Variants in CELF4 observed in about 807,000 individuals in gnomAD.
The protein encoded by CELF4 is CUGBP Elav-like family member 4.
Under a neutral mutation model 59.9 loss-of-function variants are expected in CELF4, and 18 were observed. The ratio of observed to expected loss-of-function variants is 0.30; its 90% CI spans 0.21 to 0.45. The LOEUF (loss-of-function observed/expected upper bound fraction) is 0.45. Among genes scored for constraint, CELF4 ranks in the 20% least tolerant of loss-of-function variants. The probability of loss-of-function intolerance (pLI) is 1.00; values close to 1 mark genes in which losing one functional copy is unlikely to be tolerated. For missense variants in CELF4, 456 were observed against 689.0 expected, an observed-to-expected ratio of 0.66 and a Z score of 3.79; for synonymous variants, 261 against 267.1, an observed-to-expected ratio of 0.98 and a Z score of 0.22.
chr18:37,274,378 G>A lies in CELF4; in HGVS notation c.734C>T (p.Ala245Val). Residue 245 changes from alanine to valine, a missense_variant, in exon 6 of 13, where the codon GCT (alanine) becomes GTT (valine). Transcript: ENST00000420428. ...ERTMRRMQQMAGQMGMFNPMA... is the reference protein window; with the variant it reads ...ERTMRRMQQMVGQMGMFNPMA... ...GGGGTTGAACATGCCCATCTGGCCA[G>A]CCATCTGCTGCATTCGCCGCATCGT... 1.9e-6 allele frequency: 3 copies of A among 1,613,590 alleles called. No individual in the cohort carries two copies. The highest frequency in any genetic ancestry group is 2.5e-6 in the Non-Finnish European group (3 of 1,179,970).
At chr18:37,465,843 G>T (rs1265626589) in intron 2 of CELF4, among the ~76,000 whole-genome samples, 1 of 152,122 alleles carries the variant, frequency 6.6e-6, no homozygotes, top group Non-Finnish European at 1.5e-5. Flanking sequence ...TTGGGGCAGG[G>T]GATGCATTCA....
chr18:37,563,868 A>T (rs1440083499), intron 1 of CELF4, among the ~76,000 whole-genome samples: 1 of 152,210 alleles, frequency 6.6e-6, no homozygotes, highest in Non-Finnish European at 1.5e-5. Context: ...TGGGACTCCA[A>T]CTATGAAGAG....
chr18:37,275,567 C>A (rs1401284192), intron 3 of CELF4: 22 of 351,216 alleles, frequency 6.3e-5, no homozygotes, highest in Non-Finnish European at 5.4e-6. Flanking sequence ...GAGCAGAGAC[C>A]CTGGGCTGAC....
At chr18:37,529,655 C>A (rs1354619128) in intron 1 of CELF4, among the ~76,000 whole-genome samples, 1 of 152,162 alleles carries the variant, frequency 6.6e-6, no homozygotes, top group African/African-American at 2.4e-5. Flanking sequence ...AAGCAACTGG[C>A]AGACTTCTAG....
chr18:37,302,847 T>C (rs2096151950), intron 3 of CELF4, among the ~76,000 whole-genome samples: 1 of 152,118 alleles, frequency 6.6e-6, no homozygotes, highest in African/African-American at 2.4e-5. Context: ...TCCAACAGCA[T>C]TGCTTCCTAG....
intron 12 of CELF4, among the ~76,000 whole-genome samples, chr18:37,248,252 T>C (rs1338989201): frequency 6.6e-6 from 1 of 152,202 alleles, no homozygotes; most frequent in Admixed American, 6.5e-5. Context: ...GTTCTTGGAA[T>C]TCTAGAAACA....
chr18:37,535,833 C>A (rs1363705202), intron 1 of CELF4, among the ~76,000 whole-genome samples: 1 of 152,144 alleles, frequency 6.6e-6, no homozygotes, highest in Non-Finnish European at 1.5e-5. Context: ...AGAGAGAACA[C>A]GATTCACTTC....
chr18:37,322,931 C>G (rs1247674701), intron 2 of CELF4, among the ~76,000 whole-genome samples: 1 of 152,182 alleles, frequency 6.6e-6, no homozygotes, highest in Non-Finnish European at 1.5e-5. Context: ...CCAAGGCCAC[C>G]ACGTGGCAGG....
At chr18:37,556,664 C>T (rs2099984910) in intron 1 of CELF4, among the ~76,000 whole-genome samples, 1 of 152,102 alleles carries the variant, frequency 6.6e-6, no homozygotes, top group East Asian at 1.9e-4. Flanking sequence ...GTGATCCCAT[C>T]CTGTTTGAAC....
At chr18:37,264,787 G>A (rs534556313) in intron 9 of CELF4, 30 bp from the exon 10 acceptor site, 41 of 1,520,376 alleles carry the variant, frequency 2.7e-5, no homozygotes, top group Admixed American at 5.8e-5. Flanking sequence ...AGCAAGAGCC[G>A]GCGACAAGGC....
At chr18:37,329,706 T>C (rs1266274716) in intron 2 of CELF4, among the ~76,000 whole-genome samples, 1 of 152,216 alleles carries the variant, frequency 6.6e-6, no homozygotes, top group Non-Finnish European at 1.5e-5. Context: ...GGCTGAACTA[T>C]GCATGAGCAG....
At chr18:37,463,447 C>A (rs578214055) in intron 2 of CELF4, among the ~76,000 whole-genome samples, 433 of 152,326 alleles carry the variant, frequency 2.8e-3, no homozygotes, top group Non-Finnish European at 3.7e-3. Flanking sequence ...TACCAAACCC[C>A]GTGATCAACT....
chr18:37,356,009 A>ACAGCCCAGCC (rs930869240), intron 2 of CELF4, among the ~76,000 whole-genome samples: 2 of 152,154 alleles, frequency 1.3e-5, no homozygotes, highest in South Asian at 2.1e-4. Flanking sequence ...TCAGCCCAGC[A>ACAGCCCAGCC]CAGCCCAGCC....
intron 1 of CELF4, among the ~76,000 whole-genome samples, chr18:37,496,461 C>T (rs2154603704): frequency 6.6e-6 from 1 of 152,298 alleles, no homozygotes; most frequent in South Asian, 2.1e-4. Context: ...AATAATCTCG[C>T]CTCTGTCCTC....
chr18:37,447,670 T>A (rs1188810782), intron 2 of CELF4, among the ~76,000 whole-genome samples: 2 of 152,216 alleles, frequency 1.3e-5, no homozygotes, highest in East Asian at 3.9e-4. Context: ...ACATGGGCCC[T>A]GGGTTGAGGG....
At chr18:37,345,558 T>C (rs1286956057) in intron 2 of CELF4, among the ~76,000 whole-genome samples, 1 of 151,984 alleles carries the variant, frequency 6.6e-6, no homozygotes, top group Non-Finnish European at 1.5e-5. Flanking sequence ...TAAAATGAAC[T>C]GAGTGCTTTG....
intron 2 of CELF4, among the ~76,000 whole-genome samples, chr18:37,410,388 C>T (rs1368263142): frequency 6.6e-6 from 1 of 152,242 alleles, no homozygotes; most frequent in Non-Finnish European, 1.5e-5. Context: ...GGCCTCCACT[C>T]CTGGGCACAT....
chr18:37,346,356 C>A (rs1033031442), intron 2 of CELF4, among the ~76,000 whole-genome samples: 45 of 152,284 alleles, frequency 3.0e-4, no homozygotes, highest in African/African-American at 1.0e-3. Context: ...GAAAAAAGAG[C>A]TCTAGGCTCC....
chr18:37,268,525 T>C (rs928098475), intron 8 of CELF4, among the ~76,000 whole-genome samples: 1 of 152,250 alleles, frequency 6.6e-6, no homozygotes, highest in South Asian at 2.1e-4. Flanking sequence ...ACGATTTGCA[T>C]GGCAGCTGCC....
Sources: allele counts gnomAD v4.1 joint callset (sites outside exome capture counted in the v4.1 genomes callset), GRCh38; gene constraint gnomAD v4.1.1; transcripts MANE v1.5; gene names NCBI Gene and HGNC (gene_info 2026-07-23, HGNC 2026-07-21).